Variants in IQGAP2 observed in about 807,000 individuals in gnomAD.
IQGAP2 encodes IQ motif containing GTPase activating protein 2.
A neutral mutation model predicts 201.3 loss-of-function variants in IQGAP2; 173 were observed. That is an observed-to-expected ratio of 0.86 (90% CI 0.76 to 0.98). The LOEUF is 0.98. IQGAP2 is among the 50% of genes least tolerant of loss of function. The probability of loss-of-function intolerance (pLI) is 0.00; values close to 1 mark genes in which losing one functional copy is unlikely to be tolerated. For synonymous variants in IQGAP2, 675 were observed against 673.9 expected (o/e 1.00, Z -0.03); for missense variants, 1,687 against 1,864.8 (o/e 0.90, Z 1.76).
At chr5:76,474,544 T>C (rs1238555410) in intron 2 of IQGAP2, among the ~76,000 whole-genome samples, 1 of 152,202 alleles carries the variant, frequency 6.6e-6, no homozygotes, top group East Asian at 1.9e-4. Context: ...TCCGTCCTAC[T>C]TGGCTTAATG....
rs991386614 is a variant in IQGAP2 at position 76,459,003 on chromosome 5, G to A, written c.47-2567G>A. On this transcript the variant is annotated intron_variant, in intron 1 of 35. Transcript: ENST00000274364. ...GCAGGATAGGAGGGCATTTTGAGCT[G>A]AGACAATCAGGAAGACTTTGGGAAG... is the stretch of plus-strand genomic sequence containing the variant. Among the ~76,000 whole-genome samples, 3 of 152,172 alleles carry A rather than the reference G, an allele frequency of 2.0e-5. No individual in the cohort carries two copies. In the East Asian group the frequency reaches 5.8e-4, roughly 29 times the overall value.
Position 76,597,471 on chromosome 5 carries a change from AT to A in IQGAP2, c.942del (p.Pro315ArgfsTer12). On this transcript the variant is annotated frameshift_variant, in exon 10 of 36. Transcript: ENST00000274364. LOFTEE classifies it high-confidence loss of function. ...QAAVDHINAV[I>X]PEGDPENTLL... ...TGCAGTGGACCATATCAATGCTGTCATTCCGGAAGGTGACCCCGAGAATACG... is the reference window on the plus strand; with the variant it reads ...TGCAGTGGACCATATCAATGCTGTCATCCGGAAGGTGACCCCGAGAATACG... 6.2e-7 allele frequency: 1 copy of A among 1,614,052 alleles called. No individual in the cohort carries two copies. The highest frequency in any genetic ancestry group is 8.5e-7 in the Non-Finnish European group (1 of 1,179,988).
chr5:76,438,035 G>GTT (rs71604291), intron 1 of IQGAP2, among the ~76,000 whole-genome samples: 24,800 of 67,006 alleles, frequency 0.37, 2,076 homozygotes, highest in South Asian at 0.45. Flanking sequence ...TTTTTTGTTT[G>GTT]TTTTTTTTTT....
intron 4 of IQGAP2, among the ~76,000 whole-genome samples, chr5:76,571,549 T>C (rs1211366198): frequency 6.6e-6 from 1 of 152,198 alleles, no homozygotes; most frequent in Non-Finnish European, 1.5e-5. Context: ...CTCTTACTCC[T>C]AAAATAGATC....
At chr5:76,703,761 T>A (rs1747636308) in intron 35 of IQGAP2, among the ~76,000 whole-genome samples, 1 of 152,172 alleles carries the variant, frequency 6.6e-6, no homozygotes, top group South Asian at 2.1e-4. Context: ...TCTTTTTTGA[T>A]GTAACACTTT....
At position 76,654,333 on chromosome 5, in the gene IQGAP2, G is replaced by A. The variant is rs1354299321; in HGVS notation, c.2250+62G>A. The A allele has an allele frequency of 1.8e-5, 19 of 1,072,366 alleles. No individual in the cohort carries two copies. In the East Asian group the frequency reaches 4.6e-4, roughly 26 times the overall value. The allele number at this position is 1,072,366 out of a possible 1,614,324, so 66.4% of individuals were successfully genotyped here. A position where few individuals can be genotyped will look rare whatever the true frequency, so the allele number is the denominator to read the frequency against. On this transcript the variant is annotated intron_variant, in intron 19 of 35. Coordinates refer to ENST00000274364, the MANE Select transcript of IQGAP2 (RefSeq NM_006633.5). ...TAATGACCTAAATGAATGCTTTATT[G>A]AAAGTTAGCATTGAATGATTTTTAT...
At chr5:76,413,897 G>A (rs1308377554) in intron 1 of IQGAP2, among the ~76,000 whole-genome samples, 1 of 152,228 alleles carries the variant, frequency 6.6e-6, no homozygotes, top group Admixed American at 6.5e-5. Flanking sequence ...GGTCAACCCA[G>A]TCCTGTGGGA....
chr5:76,485,104 A>G (rs372681209), intron 2 of IQGAP2, among the ~76,000 whole-genome samples: 5 of 152,256 alleles, frequency 3.3e-5, no homozygotes, highest in African/African-American at 9.6e-5. Context: ...GGTGTGAGCT[A>G]TGGTGTCCAG....
chr5:76,640,870 C>T (rs1751516826), intron 16 of IQGAP2, 63 bp from the exon 17 acceptor site: 1 of 1,145,964 alleles, frequency 8.7e-7, no homozygotes, highest in South Asian at 2.0e-5. Context: ...ATATCAGAAG[C>T]TATTCTATGT....
intron 28 of IQGAP2, chr5:76,677,562 T>G: frequency 7.7e-6 from 3 of 388,408 alleles, no homozygotes; most frequent in Admixed American, 4.5e-5. Flanking sequence ...TACATAATTA[T>G]TCCCTGACTC....
At chr5:76,512,176 ACT>A (rs1452549231) in intron 2 of IQGAP2, among the ~76,000 whole-genome samples, 1 of 152,056 alleles carries the variant, frequency 6.6e-6, no homozygotes, top group African/African-American at 2.4e-5. Context: ...GAAGACAGAA[ACT>A]CTAGTGGAGC....
chr5:76,437,991 A>G (rs779997017), intron 1 of IQGAP2, among the ~76,000 whole-genome samples: 2 of 138,354 alleles, frequency 1.4e-5, no homozygotes, highest in Non-Finnish European at 3.1e-5. Flanking sequence ...TATATTCATC[A>G]GGTATATTGG....
rs775614588 is a variant in IQGAP2, at chr5:76,658,447, C to T, written c.2321-12C>T. 2 of 1,602,088 alleles carry T rather than the reference C, an allele frequency of 1.2e-6. No individual in the cohort carries two copies. Among genetic ancestry groups the T allele is most frequent in the Non-Finnish European group, 8.6e-7 (1 of 1,169,238 alleles). On this transcript the variant is annotated splice_polypyrimidine_tract_variant and intron_variant, in intron 20 of 35. Coordinates refer to ENST00000274364, the MANE Select transcript of IQGAP2 (RefSeq NM_006633.5). ...TTTCCTAATTAAAGTATACCTGTTC[C>T]TGTCACTGCAGTTGGCTCTGAAAAC...
intron 2 of IQGAP2, among the ~76,000 whole-genome samples, chr5:76,496,730 TTTCTTTCTTTC>T (rs1561416171): frequency 0.12 from 5,554 of 47,392 alleles, 207 homozygotes; most frequent in Non-Finnish European, 0.13. Context: ...CTTTCTTTTC[TTTCTTTCTTTC>T]TTTCTTTCTT....
intron 3 of IQGAP2, among the ~76,000 whole-genome samples, chr5:76,567,315 A>G (rs75705294): frequency 0.018 from 2,812 of 152,302 alleles, 83 homozygotes; most frequent in African/African-American, 0.063. Flanking sequence ...TCCTTGGAGC[A>G]TTTCGGATTT....
At position 76,673,312 on chromosome 5, in the gene IQGAP2, T is replaced by C. The variant is rs999192916; in HGVS notation, c.3069-137T>C. 121 of 803,358 alleles carry C rather than the reference T, an allele frequency of 1.5e-4. 1 individual carries two copies. Among genetic ancestry groups the C allele is most frequent in the Middle Eastern group, 7.2e-4 (2 of 2,796 alleles). 49.8% of individuals were successfully genotyped at this position (803,358 alleles called of 1,614,324 possible). ...TCTGTGAAGGTGGAGCCTCCCCTCATTTAGTAAACATTTTGTTACTGGAGT... is the reference window on the plus strand; with the variant it reads ...TCTGTGAAGGTGGAGCCTCCCCTCACTTAGTAAACATTTTGTTACTGGAGT... On this transcript the variant is annotated intron_variant, in intron 24 of 35. Coordinates refer to ENST00000274364, the MANE Select transcript of IQGAP2 (RefSeq NM_006633.5).
At chr5:76,504,342 C>T (rs978679023) in intron 2 of IQGAP2, among the ~76,000 whole-genome samples, 1 of 152,172 alleles carries the variant, frequency 6.6e-6, no homozygotes, top group African/African-American at 2.4e-5. Context: ...GTAGCTGAGC[C>T]TCCATTGCCT....
At chr5:76,436,114 T>C (rs1752633595) in intron 1 of IQGAP2, among the ~76,000 whole-genome samples, 1 of 152,168 alleles carries the variant, frequency 6.6e-6, no homozygotes, top group Admixed American at 6.6e-5. Flanking sequence ...CTAGAAGTCT[T>C]TTGGAGGAGT....
At chr5:76,498,366 T>C (rs1757101084) in intron 2 of IQGAP2, among the ~76,000 whole-genome samples, 1 of 152,240 alleles carries the variant, frequency 6.6e-6, no homozygotes, top group Non-Finnish European at 1.5e-5. Flanking sequence ...GATGGTGTTA[T>C]ATCCATTTGA....
Sources: allele counts gnomAD v4.1 joint callset (sites outside exome capture counted in the v4.1 genomes callset), GRCh38; gene constraint gnomAD v4.1.1; transcripts MANE v1.5; gene names NCBI Gene and HGNC (gene_info 2026-07-23, HGNC 2026-07-21).